Variants in GRM7 observed in about 807,000 individuals in gnomAD.
GRM7 encodes the protein metabotropic glutamate receptor 7.
GRM7 carries 35 observed loss-of-function variants against 84.5 expected under a neutral mutation model. That is an observed-to-expected ratio of 0.41 (90% CI 0.32 to 0.55). The LOEUF (loss-of-function observed/expected upper bound fraction) is 0.55, where lower values mean the gene tolerates loss of function less well. GRM7 is among the 20% of genes least tolerant of loss of function. The pLI, the probability that GRM7 is intolerant of heterozygous loss-of-function variation, is 0.19. For missense variants in GRM7, 1,003 were observed against 1,194.6 expected (o/e 0.84, Z 2.36); for synonymous variants, 487 against 455.1 (o/e 1.07, Z -0.89).
At chr3:7,540,262 A>G (rs950310895) in intron 7 of GRM7, among the ~76,000 whole-genome samples, 1 of 152,224 alleles carries the variant, frequency 6.6e-6, no homozygotes, top group African/African-American at 2.4e-5. Context: ...GCATATGTCC[A>G]CACAAGACTT....
intron 1 of GRM7, among the ~76,000 whole-genome samples, chr3:7,034,525 GTACA>G (rs1010336494): frequency 5.1e-4 from 77 of 152,000 alleles, no homozygotes; most frequent in African/African-American, 1.8e-3. Flanking sequence ...TTGTGTATAT[GTACA>G]TACATACATA....
chr3:6,937,307 G>A (rs894859720), intron 1 of GRM7, among the ~76,000 whole-genome samples: 3 of 152,180 alleles, frequency 2.0e-5, no homozygotes, highest in Non-Finnish European at 4.4e-5. Flanking sequence ...ATGATTTCGT[G>A]TATCTTGGTT....
chr3:6,920,325 C>T (rs1395957012), intron 1 of GRM7, among the ~76,000 whole-genome samples: 4 of 151,990 alleles, frequency 2.6e-5, no homozygotes, highest in East Asian at 1.9e-4. Flanking sequence ...GAGGCCGAGG[C>T]GAGAGGATTA....
At chr3:6,992,437 A>T (rs1694675567) in intron 1 of GRM7, among the ~76,000 whole-genome samples, 1 of 152,232 alleles carries the variant, frequency 6.6e-6, no homozygotes, top group South Asian at 2.1e-4. Flanking sequence ...TTGTGAGCTG[A>T]TAAGTGGGTA....
At chr3:7,570,237 A>G (rs1220373874) in intron 7 of GRM7, among the ~76,000 whole-genome samples, 1 of 152,048 alleles carries the variant, frequency 6.6e-6, no homozygotes, top group African/African-American at 2.4e-5. Flanking sequence ...TCCAAAACCA[A>G]TCAAGCCTTC....
At position 7,351,973 on chromosome 3, in the gene GRM7, C is replaced by T. The variant is rs139358102; in HGVS notation, c.1033+45321C>T. On this transcript the variant is annotated intron_variant, in intron 4 of 9. Transcript: ENST00000357716. ...GGCCTATCATGGGACTTTGCTTTTG[C>T]GATTATGTGAGCCAATTCCCCCTGA... Among the ~76,000 whole-genome samples, 674 of 149,510 alleles carry T rather than the reference C, an allele frequency of 4.5e-3. 10 individuals are homozygous for T. Among genetic ancestry groups the T allele is most frequent in the African/African-American group, 0.016 (651 of 40,906 alleles).
chr3:7,678,523 G>A (rs191357724), intron 8 of GRM7, among the ~76,000 whole-genome samples: 1 of 152,178 alleles, frequency 6.6e-6, no homozygotes, highest in South Asian at 2.1e-4. Context: ...GTGTAGGCTG[G>A]CAAGGTGGAA....
intron 9 of GRM7, chr3:7,691,433 T>C (rs1700796606): frequency 3.1e-6 from 1 of 319,054 alleles, no homozygotes; most frequent in African/African-American, 2.2e-5. Context: ...GCTCTGATAC[T>C]TGGGGTAGCA....
intron 8 of GRM7, among the ~76,000 whole-genome samples, chr3:7,589,614 G>C (rs193149752): frequency 3.9e-4 from 59 of 152,280 alleles, no homozygotes; most frequent in Admixed American, 1.2e-3. Flanking sequence ...CCAGGGTTGA[G>C]AGCTGTGTGG....
chr3:7,410,191 C>T (rs1022123001), intron 4 of GRM7, among the ~76,000 whole-genome samples: 1 of 152,030 alleles, frequency 6.6e-6, no homozygotes, highest in Non-Finnish European at 1.5e-5. Flanking sequence ...AGTTGGGGTT[C>T]GGTGTTACTA....
At chr3:7,389,562 A>C (rs1694910686) in intron 4 of GRM7, among the ~76,000 whole-genome samples, 1 of 152,088 alleles carries the variant, frequency 6.6e-6, no homozygotes, top group African/African-American at 2.4e-5. Flanking sequence ...ATGTGTGTAC[A>C]TTTTGGATAG....
rs187144142 is a variant in GRM7, at chr3:6,877,968, A to G, written c.519+16061A>G. Among the ~76,000 whole-genome samples, 5 of 149,814 alleles carry G rather than the reference A, an allele frequency of 3.3e-5. No homozygotes were observed. In the East Asian group the frequency reaches 9.7e-4, roughly 29 times the overall value. ...AACTTACTTTTTTTTTTTTTTACAG[A>G]TCTGTGGTTACAACTCTATCTACAG... is the stretch of plus-strand genomic sequence containing the variant. On this transcript the variant is annotated intron_variant, in intron 1 of 9. Coordinates refer to ENST00000357716, the MANE Select transcript of GRM7 (RefSeq NM_000844.4).
intron 7 of GRM7, among the ~76,000 whole-genome samples, chr3:7,516,545 G>A (rs1018820857): frequency 6.1e-5 from 9 of 148,036 alleles, no homozygotes; most frequent in African/African-American, 1.2e-4. Context: ...GAAATGGAAC[G>A]TCAGGGGTAC....
chr3:7,242,349 A>G (rs775782154), intron 2 of GRM7, among the ~76,000 whole-genome samples: 5 of 152,222 alleles, frequency 3.3e-5, no homozygotes, highest in Non-Finnish European at 7.4e-5. Flanking sequence ...GTTCATCAGA[A>G]AATGATCATA....
chr3:7,266,689 A>G (rs571371801), intron 2 of GRM7, among the ~76,000 whole-genome samples: 89 of 152,300 alleles, frequency 5.8e-4, no homozygotes, highest in African/African-American at 2.0e-3. Context: ...AATTTACTAT[A>G]ACCCAGAAAA....
intron 5 of GRM7, among the ~76,000 whole-genome samples, chr3:7,443,231 C>T (rs1697366074): frequency 6.6e-6 from 1 of 152,124 alleles, no homozygotes; most frequent in Non-Finnish European, 1.5e-5. Flanking sequence ...TACAGATACC[C>T]TATACATATT....
chr3:7,352,070 C>CACACACAA (rs1208264997), intron 4 of GRM7, among the ~76,000 whole-genome samples: 1 of 144,952 alleles, frequency 6.9e-6, no homozygotes, highest in African/African-American at 2.5e-5. Context: ...CACACACACA[C>CACACACAA]ACACACACAC....
intron 1 of GRM7, among the ~76,000 whole-genome samples, chr3:7,103,764 T>TTCTCTA (rs374304006): frequency 9.6e-6 from 1 of 104,160 alleles, no homozygotes. Context: ...CTTTCTTTCT[T>TTCTCTA]TCTTTCTTTC....
At chr3:7,456,035 C>G (rs1179818127) in intron 6 of GRM7, among the ~76,000 whole-genome samples, 2 of 151,946 alleles carry the variant, frequency 1.3e-5, no homozygotes, top group Non-Finnish European at 2.9e-5. Context: ...TATGTTCTTT[C>G]TGTATTTTTT....
Sources: gnomAD v4.1 joint callset for allele counts (sites outside exome capture counted in the v4.1 genomes callset) on GRCh38, gnomAD v4.1.1 for gene constraint, MANE v1.5 for transcripts, NCBI Gene and HGNC (gene_info 2026-07-23, HGNC 2026-07-21) for gene names.